Variants in SNX31 observed in about 807,000 individuals in gnomAD.
SNX31 encodes sorting nexin 31.
SNX31 carries 58 observed loss-of-function variants against 65.4 expected under a neutral mutation model. The ratio of observed to expected loss-of-function variants is 0.89; its 90% CI spans 0.72 to 1.10. The LOEUF (loss-of-function observed/expected upper bound fraction) is 1.10, where lower values mean the gene tolerates loss of function less well. SNX31 is among the 50% of genes least tolerant of loss of function. The probability of loss-of-function intolerance (pLI) is 0.00; values close to 1 mark genes in which losing one functional copy is unlikely to be tolerated. For missense variants in SNX31, 523 were observed against 529.7 expected (o/e 0.99, Z 0.12); for synonymous variants, 181 against 190.1 (o/e 0.95, Z 0.39).
chr8:100,620,108 T>C (rs1817574938), intron 4 of SNX31: 1 of 152,220 alleles, frequency 6.6e-6, no homozygotes, highest in South Asian at 2.1e-4. Context: ...CACGGGTTTA[T>C]TGCGTGATGC....
chr8:100,660,270 G>C lies in SNX31; in HGVS notation c.-58+2872C>G, dbSNP rs536286057. Among the ~76,000 whole-genome samples the C allele has an allele frequency of 6.6e-6, 1 of 152,294 alleles. No individual in the cohort carries two copies. The highest frequency in any genetic ancestry group is 2.4e-5 in the African/African-American group (1 of 41,566). On this transcript the variant is annotated intron_variant, in intron 1 of 5. Coordinates refer to the SNX31 transcript ENST00000520352. The surrounding 1 kb of genome is among the most constrained non-coding windows in gnomAD (Gnocchi z 4.1). ...GCAGTAGTAATAATAGTAGAATGCT[G>C]ATTTTCAGATTAAAAAACTAAAGCA...
intron 4 of SNX31, among the ~76,000 whole-genome samples, chr8:100,627,037 T>C (rs1289299262): frequency 6.6e-6 from 1 of 152,192 alleles, no homozygotes; most frequent in East Asian, 1.9e-4. Context: ...GTATAAAACC[T>C]TTCAAATTAT....
At position 100,608,539 on chromosome 8, in the gene SNX31, G is replaced by T; in HGVS notation, c.636C>A (p.Ser212=). 1 of 1,613,960 alleles carries T rather than the reference G, an allele frequency of 6.2e-7. No individual in the cohort carries two copies. Among genetic ancestry groups the T allele is most frequent in the South Asian group, 1.1e-5 (1 of 91,072 alleles). Residue 212 remains serine (S), a synonymous_variant, in exon 8 of 14, where the codon TCC becomes TCA. Transcript: ENST00000311812. ...RKWYMAPSLD[S]VLMDCRVAVD... is the part of the protein sequence containing the mutation. ...CCGCCACCCTGCAGTCCATCAGCAC[G>T]GAGTCGAGGGATGGAGCCATATACC... is the stretch of plus-strand genomic sequence containing the variant.
At chr8:100,616,373 C>T (rs1345978647) in intron 5 of SNX31, among the ~76,000 whole-genome samples, 1 of 152,158 alleles carries the variant, frequency 6.6e-6, no homozygotes, top group African/African-American at 2.4e-5. Flanking sequence ...ATATCTGATC[C>T]TGCAGCTGTA....
intron 2 of SNX31, among the ~76,000 whole-genome samples, chr8:100,641,560 AAAAAAATATATAT>A (rs1312833996): frequency 4.9e-4 from 15 of 30,730 alleles, no homozygotes; most frequent in African/African-American, 3.5e-3. Context: ...AAAAAAAAAA[AAAAAAATATATAT>A]ATATATATAT....
intron 2 of SNX31, among the ~76,000 whole-genome samples, chr8:100,646,269 G>A (rs1390720509): frequency 2.0e-5 from 3 of 152,100 alleles, no homozygotes; most frequent in African/African-American, 4.8e-5. Context: ...AGAAAAAAGC[G>A]GCATGGTCAA....
intron 13 of SNX31, among the ~76,000 whole-genome samples, chr8:100,574,882 C>G (rs549180752): frequency 6.6e-6 from 1 of 151,940 alleles, no homozygotes; most frequent in African/African-American, 2.4e-5. Flanking sequence ...TGCAATGAGC[C>G]GAGATGGCAC....
At chr8:100,640,904 C>T (rs1391734114) in intron 2 of SNX31, among the ~76,000 whole-genome samples, 1 of 152,022 alleles carries the variant, frequency 6.6e-6, no homozygotes, top group Admixed American at 6.6e-5. Context: ...AGAAATAGGA[C>T]ATTAGGTAAA....
chr8:100,644,939 A>G (rs1003170217), intron 2 of SNX31, among the ~76,000 whole-genome samples: 2 of 152,236 alleles, frequency 1.3e-5, no homozygotes, highest in African/African-American at 4.8e-5. Flanking sequence ...CTGGGATTCC[A>G]GGTGTGAGCC....
intron 12 of SNX31, among the ~76,000 whole-genome samples, chr8:100,581,337 C>CTATCTATATA (rs1554570506): frequency 8.0e-6 from 1 of 125,466 alleles, no homozygotes; most frequent in African/African-American, 3.1e-5. Context: ...ATCTATCTAT[C>CTATCTATATA]TATATATATA....
At chr8:100,623,315 CCATT>C (rs1305638638) in intron 4 of SNX31, among the ~76,000 whole-genome samples, 1 of 152,200 alleles carries the variant, frequency 6.6e-6, no homozygotes, top group Admixed American at 6.5e-5. Flanking sequence ...GGGCGCTAAA[CCATT>C]CATGAGAAAC....
intron 3 of SNX31, among the ~76,000 whole-genome samples, chr8:100,631,610 C>T (rs1473900392): frequency 1.3e-5 from 2 of 152,008 alleles, no homozygotes; most frequent in Non-Finnish European, 2.9e-5. Context: ...GCCTGTTTTA[C>T]TAATTTTATC....
intron 2 of SNX31, among the ~76,000 whole-genome samples, chr8:100,644,304 T>G (rs1043024541): frequency 2.0e-5 from 3 of 152,116 alleles, no homozygotes; most frequent in Non-Finnish European, 4.4e-5. Context: ...GAGCCCCATA[T>G]CACTGTTCAC....
chr8:100,617,287 C>G (rs1278487583), intron 5 of SNX31, among the ~76,000 whole-genome samples: 1 of 152,324 alleles, frequency 6.6e-6, no homozygotes, highest in Admixed American at 6.5e-5. Flanking sequence ...CCTTCCTGCT[C>G]CCAACGATGG....
In SNX31 at chr8:100,594,161, C is replaced by T. The variant is rs1814845323; in HGVS notation, c.978+2478G>A. Reference sequence around the variant, plus strand: ...CTACTAAAAATACAAAAAATTAGCCCTGCCTGGTGGTGCATGCCTGTAATC... The same window carrying T: ...CTACTAAAAATACAAAAAATTAGCCTTGCCTGGTGGTGCATGCCTGTAATC... On this transcript the variant is annotated intron_variant, in intron 10 of 13. Transcript: ENST00000311812. This position sits in a 1 kb window ranked among gnomAD's most constrained non-coding sequence, Gnocchi z 4.0. Among the ~76,000 whole-genome samples the T allele has an allele frequency of 6.6e-6, 1 of 151,938 alleles. No individual in the cohort carries two copies.
At position 100,576,184 on chromosome 8, in the gene SNX31, T is replaced by C. The variant is rs1035168636; in HGVS notation, c.1227+835A>G. 6.6e-6 allele frequency among the ~76,000 whole-genome samples: 1 copy of C among 152,216 alleles called. No individual in the cohort carries two copies. The highest frequency in any genetic ancestry group is 2.4e-5 in the African/African-American group (1 of 41,444). On this transcript the variant is annotated intron_variant, in intron 13 of 13. Transcript: ENST00000311812. The surrounding 1 kb of genome is among the most constrained non-coding windows in gnomAD (Gnocchi z 4.8). ...TGCTAGTTTATTTTCCCTGACTGTA[T>C]TCATTCAAGAAAGGACTTTATATAC... is the stretch of plus-strand genomic sequence containing the variant.
At chr8:100,595,105 T>C (rs1814947512) in intron 10 of SNX31, among the ~76,000 whole-genome samples, 2 of 152,196 alleles carry the variant, frequency 1.3e-5, no homozygotes, top group African/African-American at 4.8e-5. Flanking sequence ...TCTTTTAAGA[T>C]ACATGTGAAA....
intron 1 of SNX31, among the ~76,000 whole-genome samples, chr8:100,662,436 G>A (rs910023115): frequency 2.0e-5 from 3 of 152,196 alleles, no homozygotes; most frequent in Non-Finnish European, 2.9e-5. Context: ...GGTGGCTCAC[G>A]CCTGTAATCC....
rs1189250272 is a variant in SNX31 at position 100,649,451 on chromosome 8, C to T, written c.64G>A (p.Val22Met). The change falls in exon 1 of 14, where the codon GTG (valine) becomes ATG (methionine). Residue 22 changes from valine (V) to methionine (M), a missense_variant and splice_region_variant. Val to Met is a conservative substitution (Grantham distance 21). Transcript: ENST00000311812. ...CCTGACCCCAGCCCTGGGCGCACCA[C>T]GTAGCGGCCCCCCAGCGCGTCGGAC... is the stretch of plus-strand genomic sequence containing the variant. ...QRSDALGGRY[V>M]LYSVHLDGFL... 1 of 1,586,412 alleles carries T rather than the reference C, an allele frequency of 6.3e-7. No individual in the cohort carries two copies.
Sources: allele counts gnomAD v4.1 joint callset (sites outside exome capture counted in the v4.1 genomes callset), GRCh38; gene constraint gnomAD v4.1.1; non-coding constraint Gnocchi (gnomAD v3.1); transcripts MANE v1.5; gene names NCBI Gene and HGNC (gene_info 2026-07-23, HGNC 2026-07-21).